The following HIP1 variants were observed in gnomAD, a reference collection of about 807,000 sequenced individuals.
HIP1 encodes huntingtin interacting protein 1, also known as huntingtin-interacting protein 1.
Under a neutral mutation model 147.6 loss-of-function variants are expected in HIP1, and 65 were observed. That is an observed-to-expected ratio of 0.44 (90% CI 0.36 to 0.54). The LOEUF is 0.54. Ranked by LOEUF, HIP1 falls within the 20% of genes least tolerant of loss-of-function variation. HIP1 has a pLI of 0.00. For synonymous variants in HIP1, 479 were observed against 504.0 expected (o/e 0.95, Z 0.67); for missense variants, 1,061 against 1,299.6 (o/e 0.82, Z 2.82).
At chr7:75,596,660 A>G (rs1554502016) in intron 2 of HIP1, among the ~76,000 whole-genome samples, 2 of 152,194 alleles carry the variant, frequency 1.3e-5, no homozygotes, top group Non-Finnish European at 2.9e-5. Flanking sequence ...TGCTGGGATT[A>G]TAGGCATGAG....
chr7:75,664,035 T>TACACATATATGTGTATATAC (rs1563278486), intron 1 of HIP1, among the ~76,000 whole-genome samples: 5 of 73,412 alleles, frequency 6.8e-5, no homozygotes, highest in Non-Finnish European at 1.3e-4. Flanking sequence ...TGTGTATATA[T>TACACATATATGTGTATATAC]ATACACATAT....
Position 75,592,520 on chromosome 7 carries a change from G to A in HIP1, c.185-6C>T. ...GTGGGTGCCCAGTATGCACGGTGAG[G>A]GGGGGTTATGGAAAACAACGGATGG... On this transcript the variant is annotated splice_polypyrimidine_tract_variant and splice_region_variant and intron_variant, in intron 2 of 30. Coordinates refer to ENST00000336926, the MANE Select transcript of HIP1 (RefSeq NM_005338.7). 3 of 1,607,632 alleles carry A rather than the reference G, an allele frequency of 1.9e-6. No homozygotes were observed. Among genetic ancestry groups the A allele is most frequent in the South Asian group, 1.1e-5 (1 of 90,790 alleles).
rs782064212 is a variant in HIP1 at position 75,732,367 on chromosome 7, CT to C, written c.120+6433del. Among the ~76,000 whole-genome samples the C allele has an allele frequency of 7.2e-5, 11 of 151,872 alleles. No homozygotes were observed. In the South Asian group the frequency reaches 2.3e-3, roughly 32 times the overall value. ...ACCGACTTTTTTTGTTTGTTTCTGG[CT>C]TTTTTTGTGTTGTTTTTCCTTTTAC... On this transcript the variant is annotated intron_variant, in intron 1 of 30. Coordinates refer to ENST00000336926, the MANE Select transcript of HIP1 (RefSeq NM_005338.7).
intron 7 of HIP1, among the ~76,000 whole-genome samples, chr7:75,577,645 G>A (rs782297515): frequency 2.0e-5 from 3 of 152,188 alleles, no homozygotes; most frequent in Non-Finnish European, 4.4e-5. Context: ...CTAGAACAGA[G>A]GGAATTTAGA....
At position 75,707,817 on chromosome 7, in the gene HIP1, T is replaced by C. The variant is rs1164986762; in HGVS notation, c.120+30984A>G. ...GCCGCATATCTACAACTATCTGATC[T>C]TTGACAAACCTGAGAAAAACAAGCA... On this transcript the variant is annotated intron_variant, in intron 1 of 30. Coordinates refer to ENST00000336926, the MANE Select transcript of HIP1 (RefSeq NM_005338.7). Among the ~76,000 whole-genome samples the C allele has an allele frequency of 3.8e-5, 5 of 130,130 alleles. 1 individual carries two copies. The highest frequency in any genetic ancestry group is 1.5e-4 in the African/African-American group (5 of 32,788). The allele number at this position is 130,130 out of a possible 152,430, so 85.4% of individuals were successfully genotyped here.
chr7:75,585,436 G>A (rs934663264), intron 5 of HIP1, among the ~76,000 whole-genome samples: 1 of 152,018 alleles, frequency 6.6e-6, no homozygotes, highest in Non-Finnish European at 1.5e-5. Flanking sequence ...TTGGCCTCCT[G>A]AAATGCTGGG....
chr7:75,642,729 A>G (rs184917190), intron 1 of HIP1, among the ~76,000 whole-genome samples: 1 of 152,128 alleles, frequency 6.6e-6, no homozygotes, highest in Admixed American at 6.6e-5. Flanking sequence ...ATCCTTCAGG[A>G]CTGACCTCAA....
chr7:75,538,820 C>T (rs587661910), intron 30 of HIP1, among the ~76,000 whole-genome samples: 10 of 151,788 alleles, frequency 6.6e-5, no homozygotes, highest in East Asian at 3.9e-4. Flanking sequence ...GTGATCCGCC[C>T]GCCTCGGCCT....
intron 2 of HIP1, among the ~76,000 whole-genome samples, chr7:75,598,367 A>G (rs1281257257): frequency 6.6e-6 from 1 of 151,036 alleles, no homozygotes; most frequent in African/African-American, 2.4e-5. Flanking sequence ...ACTGCCCTCC[A>G]GCCTGGGCAA....
At chr7:75,670,296 G>A (rs971569480) in intron 1 of HIP1, among the ~76,000 whole-genome samples, 11 of 147,938 alleles carry the variant, frequency 7.4e-5, no homozygotes, top group African/African-American at 2.5e-4. Flanking sequence ...GACTACAGGC[G>A]CACACCACCA....
intron 21 of HIP1, 131 bp downstream of exon 21, chr7:75,553,982 T>G (rs2116799771): frequency 3.1e-6 from 2 of 644,476 alleles, no homozygotes. Context: ...CGACCTCAAG[T>G]GATCTGCCCG....
intron 2 of HIP1, 89 bp from the exon 3 acceptor site, chr7:75,592,603 C>T: frequency 7.3e-7 from 1 of 1,363,556 alleles, no homozygotes; most frequent in Non-Finnish European, 1.0e-6. Flanking sequence ...GGGGACTGAG[C>T]CTGCACCCAG....
intron 9 of HIP1, 36 bp from the exon 10 acceptor site, chr7:75,563,299 T>C: frequency 6.3e-7 from 1 of 1,593,068 alleles, no homozygotes; most frequent in Non-Finnish European, 8.6e-7. Context: ...GTGCTGGGTG[T>C]CTTCATCAGC....
rs150514355 is a variant in HIP1, at chr7:75,591,325, G to A, written c.384+731C>T. 4.7e-3 allele frequency among the ~76,000 whole-genome samples: 715 copies of A among 152,130 alleles called. 3 individuals carry two copies. Among genetic ancestry groups the A allele is most frequent in the African/African-American group, 0.016 (682 of 41,518 alleles). Reference sequence around the variant, plus strand: ...TAGGATTACAGGCGTGAGCCACTGCGCCTGGCCAAGAGAGATTCTTCAAAA... The same window carrying A: ...TAGGATTACAGGCGTGAGCCACTGCACCTGGCCAAGAGAGATTCTTCAAAA... On this transcript the variant is annotated intron_variant, in intron 4 of 30. Coordinates refer to ENST00000336926, the MANE Select transcript of HIP1 (RefSeq NM_005338.7).
intron 1 of HIP1, chr7:75,611,780 T>C: frequency 9.6e-7 from 1 of 1,037,682 alleles, no homozygotes; most frequent in South Asian, 4.6e-5. Flanking sequence ...AAGGGTGGCA[T>C]TGTCCACCAC....
At chr7:75,629,653 G>A (rs587697076) in intron 1 of HIP1, among the ~76,000 whole-genome samples, 7 of 151,584 alleles carry the variant, frequency 4.6e-5, no homozygotes, top group South Asian at 2.1e-4. Flanking sequence ...GGCGATTCTC[G>A]TGCCTCAGCC....
At chr7:75,583,462 C>G (rs142997528) in intron 5 of HIP1, among the ~76,000 whole-genome samples, 52 of 152,272 alleles carry the variant, frequency 3.4e-4, no homozygotes, top group African/African-American at 1.3e-3. Flanking sequence ...TAGAGAGTGT[C>G]TTTCAGTTCT....
chr7:75,613,114 CAA>C (rs1164072536), intron 1 of HIP1, among the ~76,000 whole-genome samples: 9 of 151,700 alleles, frequency 5.9e-5, no homozygotes, highest in Non-Finnish European at 4.4e-5. Context: ...CACATGCACA[CAA>C]AAGAAAGAAA....
chr7:75,544,739 G>C lies in HIP1; in HGVS notation c.2722C>G (p.His908Asp), dbSNP rs374329154. 2 of 1,613,772 alleles carry C rather than the reference G, an allele frequency of 1.2e-6. No homozygotes were observed. The highest frequency in any genetic ancestry group is 2.7e-5 in the African/African-American group (2 of 74,932). The change falls in exon 27 of 31, where the codon CAT (histidine) becomes GAT (aspartate). Residue 908 changes from histidine to aspartate, a missense_variant. Around this residue, in one of 3 missense-constraint regions of HIP1, gnomAD observed 810 missense variants for 946.8 expected, o/e 0.86. Coordinates refer to ENST00000336926, the MANE Select transcript of HIP1 (RefSeq NM_005338.7). ...TGGGCTGTGCTAGCAGCAATTTCAT[G>C]AGAACACACCATTAGCTCCTCAAAT... The part of the protein sequence containing the change: ...GKFEELMVCS[H>D]EIAASTAQLV...
Sources: gnomAD v4.1 joint callset for allele counts (sites outside exome capture counted in the v4.1 genomes callset) on GRCh38, gnomAD v4.1.1 for gene constraint, gnomAD v4.1.1 regional missense constraint, MANE v1.5 for transcripts, NCBI Gene and HGNC (gene_info 2026-07-23, HGNC 2026-07-21) for gene names.